Variants in SMC3 observed in about 807,000 individuals in gnomAD.
The protein encoded by SMC3 is structural maintenance of chromosomes 3, also known as structural maintenance of chromosomes protein 3.
Under a neutral mutation model 171.8 loss-of-function variants are expected in SMC3, and 20 were observed. That is an observed-to-expected ratio of 0.12 (90% confidence interval 0.08 to 0.17). SMC3 has a LOEUF of 0.17. SMC3 is among the 10% of genes least tolerant of loss of function. The probability of loss-of-function intolerance (pLI) is 1.00; values close to 1 mark genes in which losing one functional copy is unlikely to be tolerated. For synonymous variants in SMC3, 464 were observed against 451.1 expected, an observed-to-expected ratio of 1.03 and a Z score of -0.36; for missense variants, 543 against 1,420.4, an observed-to-expected ratio of 0.38 and a Z score of 9.93.
At chr10:110,582,534 AGATAT>A in intron 9 of SMC3, 23 bp from the exon 10 acceptor site, 2 of 1,513,486 alleles carry the variant, frequency 1.3e-6, no homozygotes, top group South Asian at 1.1e-5. Flanking sequence ...AAAATGAGTT[AGATAT>A]GATAAGTTGT....
chr10:110,584,962 C>T (rs1861086562), intron 13 of SMC3, among the ~76,000 whole-genome samples: 1 of 151,780 alleles, frequency 6.6e-6, no homozygotes, highest in African/African-American at 2.4e-5. Context: ...ATGTGTCTTA[C>T]ATACCCTTAA....
intron 1 of SMC3, 130 bp downstream of exon 1, chr10:110,567,961 TG>T (rs1860800018): frequency 1.7e-6 from 2 of 1,169,062 alleles, no homozygotes; most frequent in African/African-American, 1.5e-5. Flanking sequence ...GCGGGGACTG[TG>T]GGGGAGGAGG....
rs1861356146 is a variant in SMC3, at chr10:110,599,596, T to C, written c.2269-58T>C. The C allele has an allele frequency of 2.0e-6, 3 of 1,487,306 alleles. No individual in the cohort carries two copies. In the South Asian group the frequency reaches 3.7e-5, roughly 18 times the overall value. 92.1% of individuals were successfully genotyped at this position (1,487,306 alleles called of 1,614,324 possible). On this transcript the variant is annotated intron_variant, in intron 20 of 28. Coordinates refer to ENST00000361804, the MANE Select transcript of SMC3 (RefSeq NM_005445.4). ...ATCAAATATAGATTGTTTTAAAATT[T>C]TCACTATAAGTAATACAGTGGCTAA...
chr10:110,581,136 G>T (rs1861023152), intron 8 of SMC3, 115 bp downstream of exon 8: 6 of 726,228 alleles, frequency 8.3e-6, no homozygotes, highest in Non-Finnish European at 1.5e-5. Context: ...ATTAGATAAT[G>T]CTGTTATTAA....
In SMC3 at chr10:110,584,090, G is replaced by C. The variant is rs1370266159; in HGVS notation, c.1092-93G>C. On this transcript the variant is annotated intron_variant, in intron 12 of 28. Transcript: ENST00000361804. The stretch of plus-strand genomic sequence containing the variant: ...TCTTTTTGTATCTTTTTGAAAAATG[G>C]CTTTATGTTTCTGTGTGCAGTTGAC... 4 of 1,518,642 alleles carry C rather than the reference G, an allele frequency of 2.6e-6. No individual in the cohort carries two copies. In the African/African-American group the frequency reaches 4.1e-5, roughly 16 times the overall value. 94.1% of individuals were successfully genotyped at this position (1,518,642 alleles called of 1,614,324 possible).
intron 19 of SMC3, among the ~76,000 whole-genome samples, chr10:110,597,156 AAAG>A (rs1416404190): frequency 6.7e-6 from 1 of 148,408 alleles, no homozygotes; most frequent in Non-Finnish European, 1.5e-5. Context: ...AAAAAAAAAA[AAAG>A]GTGACAGGGG....
At position 110,567,725 on chromosome 10, in the gene SMC3, G is replaced by C. The variant is rs558632292; in HGVS notation, c.-92G>C. Reference sequence around the variant, plus strand: ...GCTGAGGGGAGCGAGCGGCGCTTTGGGGGAGGGGTCGCGTAGGCGCCTCAC... The same window carrying C: ...GCTGAGGGGAGCGAGCGGCGCTTTGCGGGAGGGGTCGCGTAGGCGCCTCAC... On this transcript the variant is annotated 5_prime_UTR_variant, in exon 1 of 29. Coordinates refer to ENST00000361804, the MANE Select transcript of SMC3 (RefSeq NM_005445.4). 21 of 1,499,144 alleles carry C rather than the reference G, an allele frequency of 1.4e-5. No individual in the cohort carries two copies. The highest frequency in any genetic ancestry group is 4.0e-4 in the Middle Eastern group (2 of 5,060). 92.9% of individuals were successfully genotyped at this position (1,499,144 alleles called of 1,614,324 possible).
intron 18 of SMC3, among the ~76,000 whole-genome samples, chr10:110,594,448 T>C (rs1329347868): frequency 1.3e-5 from 2 of 152,272 alleles, no homozygotes; most frequent in East Asian, 1.9e-4. Context: ...TTACCTAATA[T>C]GAAAATAGCT....
Position 110,568,892 on chromosome 10 carries a change from A to ATT in SMC3, c.16-39_16-38dup, listed in dbSNP as rs149144103. 177 of 1,104,296 alleles carry ATT rather than the reference A, an allele frequency of 1.6e-4. No individual in the cohort carries two copies. The African/African-American group carries it at 2.4e-3, about 15-fold the overall frequency. 68.4% of individuals were successfully genotyped at this position (1,104,296 alleles called of 1,614,324 possible). ...AAAGAAATGCAAGAGAAAAATGTTA[A>ATT]TTTTTTTTGTGGGGTGGGTTCTCAA... On this transcript the variant is annotated intron_variant, in intron 1 of 28. Transcript: ENST00000361804.
chr10:110,601,665 A>G lies in SMC3; in HGVS notation c.2673A>G (p.Glu891=). ...EDLDNSIDKT[E]AGIKELQKSM... ...TGGACAATTCCATTGATAAAACAGA[A>G]GCTGGAATTAAGGAGCTTCAGAAGA... is the stretch of plus-strand genomic sequence containing the variant. The change falls in exon 24 of 29, where the codon GAA becomes GAG. Residue 891 remains glutamate (E), a synonymous_variant. Coordinates refer to ENST00000361804, the MANE Select transcript of SMC3 (RefSeq NM_005445.4). 1 of 1,612,698 alleles carries G rather than the reference A, an allele frequency of 6.2e-7. No individual in the cohort carries two copies. Among genetic ancestry groups the G allele is most frequent in the Non-Finnish European group, 8.5e-7 (1 of 1,179,752 alleles).
chr10:110,585,144 C>T (rs368946882), intron 13 of SMC3, among the ~76,000 whole-genome samples: 2 of 152,028 alleles, frequency 1.3e-5, no homozygotes, highest in African/African-American at 4.8e-5. Flanking sequence ...CCAAGCCCAG[C>T]TAATTTTGTA....
rs1427301816 is a variant in SMC3 at position 110,583,880 on chromosome 10, A to G, written c.1009A>G (p.Ile337Val). The part of the protein sequence containing the change: ...LKERQKLLEK[I>V]EEKQKELAET... ...AGAGAGGCAGAAGCTGCTTGAAAAA[A>G]TAGAAGAAAAGCAGAAAGAACTGGC... The change falls in exon 12 of 29, where the codon ATA (isoleucine) becomes GTA (valine). Residue 337 changes from isoleucine (I) to valine (V), a missense_variant. Physicochemically the swap from Ile to Val is conservative, Grantham distance 29 (BLOSUM62 3). Transcript: ENST00000361804. The G allele has an allele frequency of 1.9e-6, 3 of 1,613,820 alleles. No homozygotes were observed. Among genetic ancestry groups the G allele is most frequent in the Non-Finnish European group, 2.5e-6 (3 of 1,179,826 alleles).
chr10:110,590,140 TTAAA>T (rs1357553393), intron 15 of SMC3, 149 bp downstream of exon 15: 7 of 727,460 alleles, frequency 9.6e-6, no homozygotes, highest in South Asian at 7.0e-5. Context: ...ATGATAGAGA[TTAAA>T]TAGTTTTATT....
chr10:110,580,778 TG>T, intron 7 of SMC3, 125 bp from the exon 8 acceptor site: 1 of 721,582 alleles, frequency 1.4e-6, no homozygotes, highest in Admixed American at 2.1e-5. Flanking sequence ...GTAACACTTC[TG>T]GTTTCTAACC....
At chr10:110,568,882 A>G (rs370225245) in intron 1 of SMC3, 56 bp from the exon 2 acceptor site, 4 of 1,003,136 alleles carry the variant, frequency 4.0e-6, no homozygotes, top group African/African-American at 3.3e-5. Flanking sequence ...AATGCAAGAG[A>G]AAAATGTTAA....
intron 22 of SMC3, among the ~76,000 whole-genome samples, 165 bp from the exon 23 acceptor site, chr10:110,600,857 T>C (rs1201458126): frequency 6.6e-6 from 1 of 152,230 alleles, no homozygotes; most frequent in Non-Finnish European, 1.5e-5. Flanking sequence ...TTTCTAGTAA[T>C]TGTGTCTTTT....
intron 18 of SMC3, among the ~76,000 whole-genome samples, chr10:110,595,319 T>G (rs1474038828): frequency 6.6e-6 from 1 of 152,134 alleles, no homozygotes; most frequent in East Asian, 1.9e-4. Context: ...TGCTCCCTTC[T>G]CCCCACCCAG....
At position 110,567,934 on chromosome 10, in the gene SMC3, G is replaced by T. The variant is rs545686442; in HGVS notation, c.15+103G>T. The T allele has an allele frequency of 1.2e-4, 170 of 1,383,266 alleles. No individual in the cohort carries two copies. The African/African-American group carries it at 1.9e-3, about 15-fold the overall frequency. The allele number at this position is 1,383,266 out of a possible 1,614,324, so 85.7% of individuals were successfully genotyped here. ...CCGCAGCCTCTCCCCTGTCTCCACA[G>T]GCTGGACCAGGGCTGGGCGGGGACT... is the stretch of plus-strand genomic sequence containing the variant. On this transcript the variant is annotated intron_variant, in intron 1 of 28. Coordinates refer to ENST00000361804, the MANE Select transcript of SMC3 (RefSeq NM_005445.4).
chr10:110,599,894 A>G lies in SMC3; in HGVS notation c.2427+82A>G, dbSNP rs959087908. The G allele has an allele frequency of 5.7e-6, 7 of 1,234,530 alleles. No individual in the cohort carries two copies. The African/African-American group carries it at 9.0e-5, about 16-fold the overall frequency. 76.5% of individuals were successfully genotyped at this position (1,234,530 alleles called of 1,614,324 possible). A position where few individuals can be genotyped will look rare whatever the true frequency, so the allele number is the denominator to read the frequency against. ...GGCCTTTCTTGCTAACTAGGGCAAT[A>G]TGAAAGAAAAGAACTGAGAAAATAT... On this transcript the variant is annotated intron_variant, in intron 21 of 28. Transcript: ENST00000361804.
Sources: gnomAD v4.1 joint callset for allele counts (sites outside exome capture counted in the v4.1 genomes callset) on GRCh38, gnomAD v4.1.1 for gene constraint, MANE v1.5 for transcripts, NCBI Gene and HGNC (gene_info 2026-07-23, HGNC 2026-07-21) for gene names.